The following PTPRT variants were observed in gnomAD, a reference collection of about 807,000 sequenced individuals.
The protein encoded by PTPRT is protein tyrosine phosphatase receptor type T, also known as receptor-type tyrosine-protein phosphatase T.
A neutral mutation model predicts 176.8 loss-of-function variants in PTPRT; 56 were observed. The ratio of observed to expected loss-of-function variants is 0.32; its 90% CI spans 0.26 to 0.40. PTPRT has a LOEUF of 0.40. PTPRT is among the 10% of genes least tolerant of loss of function. The pLI, the probability that PTPRT is intolerant of heterozygous loss-of-function variation, is 1.00. For missense variants in PTPRT, 1,540 were observed against 1,908.2 expected (o/e 0.81, Z 3.60); for synonymous variants, 783 against 739.0 (o/e 1.06, Z -0.96).
chr20:42,806,393 A>G (rs897338373), intron 2 of PTPRT, among the ~76,000 whole-genome samples: 1 of 151,126 alleles, frequency 6.6e-6, no homozygotes, highest in African/African-American at 2.4e-5. Flanking sequence ...CTGAGGCAGG[A>G]GAATCACTTG....
At chr20:42,041,083 T>C in the PTPRT span, among the ~76,000 whole-genome samples, 1 of 152,212 alleles carries the variant, frequency 6.6e-6, no homozygotes, top group Non-Finnish European at 1.5e-5. Flanking sequence ...TGAACCTTAG[T>C]TCTGTTCGCA....
chr20:42,337,990 TC>T (rs898975524), intron 11 of PTPRT, among the ~76,000 whole-genome samples: 2 of 152,124 alleles, frequency 1.3e-5, no homozygotes, highest in African/African-American at 4.8e-5. Context: ...GAACAGAGCC[TC>T]CCGTGTCAGC....
Position 42,080,804 on chromosome 20 carries a change from G to C in PTPRT, c.*75C>G. 6.9e-7 allele frequency: 1 copy of C among 1,453,978 alleles called. No homozygotes were observed. The highest frequency in any genetic ancestry group is 2.3e-5 in the East Asian group (1 of 43,818). The allele number at this position is 1,453,978 out of a possible 1,614,324, so 90.1% of individuals were successfully genotyped here. ...TGCCACCTCAGAGCTCCTGAGCCCA[G>C]TTACTGCCATTCACACAAAAGGGGG... On this transcript the variant is annotated 3_prime_UTR_variant, in exon 31 of 31. Coordinates refer to ENST00000373187, the MANE Select transcript of PTPRT (RefSeq NM_007050.6).
chr20:43,106,618 T>C (rs1310540048), intron 1 of PTPRT, among the ~76,000 whole-genome samples: 2 of 136,410 alleles, frequency 1.5e-5, no homozygotes, highest in Admixed American at 1.7e-4. Context: ...GATCGCGCCA[T>C]TGCACTCCAG....
chr20:42,875,507 C>T (rs546583010), intron 2 of PTPRT, among the ~76,000 whole-genome samples: 49 of 152,320 alleles, frequency 3.2e-4, no homozygotes, highest in African/African-American at 1.2e-3. Flanking sequence ...AAGAACTTTT[C>T]TCAGAGCTGT....
chr20:42,851,096 A>G (rs1038837622), intron 2 of PTPRT, among the ~76,000 whole-genome samples: 14 of 152,188 alleles, frequency 9.2e-5, no homozygotes, highest in African/African-American at 3.4e-4. Flanking sequence ...TGTTTCAAAC[A>G]TCCAAGATAC....
chr20:42,633,157 T>C (rs73110421), intron 7 of PTPRT, among the ~76,000 whole-genome samples: 23,591 of 152,156 alleles, frequency 0.16, 1,926 homozygotes, highest in South Asian at 0.19. Context: ...ACACTGAACA[T>C]TCTAGGTCCT....
rs532209486 is a variant in PTPRT at position 42,299,805 on chromosome 20, G to A, written c.2139+15918C>T. Reference sequence around the variant, plus strand: ...TGGGACTACAGGCATGCACCACCACGCCCAGCTAATTTTTTGTATTTTTAG... The same window carrying A: ...TGGGACTACAGGCATGCACCACCACACCCAGCTAATTTTTTGTATTTTTAG... On this transcript the variant is annotated intron_variant, in intron 12 of 30. Coordinates refer to ENST00000373187, the MANE Select transcript of PTPRT (RefSeq NM_007050.6). Among the ~76,000 whole-genome samples the A allele has an allele frequency of 5.8e-4, 88 of 151,470 alleles. 1 individual carries two copies. In the East Asian group the frequency reaches 0.017, roughly 29 times the overall value.
At chr20:42,265,847 C>T (rs1163979939) in intron 13 of PTPRT, among the ~76,000 whole-genome samples, 2 of 152,182 alleles carry the variant, frequency 1.3e-5, no homozygotes, top group Non-Finnish European at 2.9e-5. Flanking sequence ...GCTCAAACTC[C>T]TTCTGCCTGG....
chr20:42,640,697 T>C (rs62203848), intron 7 of PTPRT, among the ~76,000 whole-genome samples: 3,774 of 152,228 alleles, frequency 0.025, 66 homozygotes, highest in Middle Eastern at 0.078. Context: ...AACACAAGTA[T>C]TGAAAATAAG....
intron 7 of PTPRT, among the ~76,000 whole-genome samples, chr20:42,657,125 T>G (rs2075139418): frequency 6.6e-6 from 1 of 152,118 alleles, no homozygotes; most frequent in African/African-American, 2.4e-5. Flanking sequence ...GTTTTCCCCC[T>G]TTGCTCCACA....
At chr20:43,042,011 G>A (rs1986627806) in intron 1 of PTPRT, among the ~76,000 whole-genome samples, 1 of 152,198 alleles carries the variant, frequency 6.6e-6, no homozygotes, top group South Asian at 2.1e-4. Flanking sequence ...GGACTGACAT[G>A]TACCAGAATC....
intron 15 of PTPRT, among the ~76,000 whole-genome samples, chr20:42,206,809 C>T (rs910371510): frequency 1.1e-4 from 16 of 152,378 alleles, no homozygotes; most frequent in Admixed American, 3.3e-4. Context: ...GGAGGCCTGC[C>T]TGCCTCTGTA....
rs142008693 is a variant in PTPRT at position 42,558,161 on chromosome 20, C to T, written c.1154-85599G>A. On this transcript the variant is annotated intron_variant, in intron 7 of 30. Transcript: ENST00000373187. The stretch of plus-strand genomic sequence containing the variant: ...CTCCCACCTTCCACCCTCTGAAAGG[C>T]CCCAGTGTGTGTTGTTCCCCTCTAT... 2.3e-3 allele frequency among the ~76,000 whole-genome samples: 352 copies of T among 152,236 alleles called. 2 individuals are homozygous for T. The highest frequency in any genetic ancestry group is 7.9e-3 in the African/African-American group (328 of 41,544).
chr20:42,956,453 G>T (rs185304691), intron 1 of PTPRT, among the ~76,000 whole-genome samples: 3 of 141,330 alleles, frequency 2.1e-5, no homozygotes, highest in Non-Finnish European at 4.5e-5. Context: ...TACTCTAGCC[G>T]TGTGAGACAC....
chr20:42,524,254 G>T (rs1031524684), intron 7 of PTPRT, among the ~76,000 whole-genome samples: 3 of 151,980 alleles, frequency 2.0e-5, no homozygotes, highest in African/African-American at 7.2e-5. Context: ...ACTGATTTTT[G>T]CATAGTAGGC....
At chr20:42,935,531 G>A (rs374568441) in intron 1 of PTPRT, among the ~76,000 whole-genome samples, 1 of 151,878 alleles carries the variant, frequency 6.6e-6, no homozygotes, top group East Asian at 1.9e-4. Context: ...CAAAGACAGA[G>A]ATTATTGAGA....
intron 2 of PTPRT, among the ~76,000 whole-genome samples, chr20:42,867,964 G>A (rs1321211144): frequency 6.6e-6 from 1 of 152,156 alleles, no homozygotes; most frequent in Non-Finnish European, 1.5e-5. Context: ...TTACAGGCAT[G>A]AGCCACTGCA....
At chr20:42,508,640 A>G (rs1387472321) in intron 7 of PTPRT, among the ~76,000 whole-genome samples, 2 of 152,080 alleles carry the variant, frequency 1.3e-5, no homozygotes, top group Non-Finnish European at 1.5e-5. Flanking sequence ...ATAGATAAAT[A>G]AAAAGAGAGG....
Sources: gnomAD v4.1 joint callset for allele counts (sites outside exome capture counted in the v4.1 genomes callset) on GRCh38, gnomAD v4.1.1 for gene constraint, MANE v1.5 for transcripts, NCBI Gene and HGNC (gene_info 2026-07-23, HGNC 2026-07-21) for gene names.